Variants in THSD4 observed in about 807,000 individuals in gnomAD.
THSD4 encodes the protein thrombospondin type 1 domain containing 4, also known as thrombospondin type-1 domain-containing protein 4.
Under a neutral mutation model 119.0 loss-of-function variants are expected in THSD4, and 69 were observed. The observed-to-expected ratio is 0.58, with a 90% CI of 0.48 to 0.71. The LOEUF is 0.71. Ranked by LOEUF, THSD4 falls within the 30% of genes least tolerant of loss-of-function variation. THSD4 has a pLI of 0.00. For missense variants in THSD4, 1,393 were observed against 1,391.1 expected, an observed-to-expected ratio of 1.00 and a Z score of -0.02; for synonymous variants, 524 against 540.4, an observed-to-expected ratio of 0.97 and a Z score of 0.42.
chr15:71,501,737 A>C (rs1485815258), intron 7 of THSD4, among the ~76,000 whole-genome samples: 1 of 152,340 alleles, frequency 6.6e-6, no homozygotes, highest in South Asian at 2.1e-4. Context: ...GTTCCTTTTC[A>C]TCTGTGATCC....
Position 71,347,995 on chromosome 15 carries a change from T to G in THSD4, c.1016-63692T>G, listed in dbSNP as rs562216293. 8.7e-4 allele frequency among the ~76,000 whole-genome samples: 133 copies of G among 152,310 alleles called. 4 individuals carry two copies. In the South Asian group the frequency reaches 0.026, roughly 30 times the overall value. ...TTCCCAATACCCATGGGTCTATCCCTGTTGCCCCAGACCATCCATAATACA... is the reference window on the plus strand; with the variant it reads ...TTCCCAATACCCATGGGTCTATCCCGGTTGCCCCAGACCATCCATAATACA... On this transcript the variant is annotated intron_variant, in intron 6 of 17. Coordinates refer to ENST00000261862, the MANE Select transcript of THSD4 (RefSeq NM_024817.3).
intron 10 of THSD4, among the ~76,000 whole-genome samples, chr15:71,735,313 C>G (rs912528382): frequency 6.6e-6 from 1 of 152,176 alleles, no homozygotes; most frequent in Admixed American, 6.5e-5. Flanking sequence ...GCCAGGCCCC[C>G]TCTCCCGCTG....
At chr15:71,604,235 G>A (rs936818020) in intron 7 of THSD4, among the ~76,000 whole-genome samples, 4 of 152,196 alleles carry the variant, frequency 2.6e-5, no homozygotes, top group Non-Finnish European at 4.4e-5. Flanking sequence ...GACAGGTGCA[G>A]CCTTTTTCTT....
intron 8 of THSD4, among the ~76,000 whole-genome samples, chr15:71,723,855 CT>C (rs1439108483): frequency 6.6e-6 from 1 of 151,904 alleles, no homozygotes; most frequent in African/African-American, 2.4e-5. Flanking sequence ...ATCGCTTGAG[CT>C]TAAGAATTCA....
chr15:71,147,371 A>C (rs949159794), intron 2 of THSD4, among the ~76,000 whole-genome samples: 5 of 151,986 alleles, frequency 3.3e-5, no homozygotes, highest in Non-Finnish European at 7.4e-5. Context: ...GGCCCAGCTC[A>C]CTTTAAAAAA....
At chr15:71,528,905 A>C (rs543864071) in intron 7 of THSD4, among the ~76,000 whole-genome samples, 12 of 152,212 alleles carry the variant, frequency 7.9e-5, no homozygotes, top group Non-Finnish European at 1.6e-4. Context: ...TATAACTTAG[A>C]TAACAGCTAT....
chr15:71,228,551 A>G (rs980995234), intron 4 of THSD4, among the ~76,000 whole-genome samples: 2 of 152,250 alleles, frequency 1.3e-5, no homozygotes, highest in African/African-American at 4.8e-5. Context: ...GCTAAACCTC[A>G]TAGGACCCTT....
intron 8 of THSD4, among the ~76,000 whole-genome samples, chr15:71,718,687 A>G (rs903242972): frequency 6.6e-6 from 1 of 151,756 alleles, no homozygotes; most frequent in African/African-American, 2.4e-5. Context: ...GCGCCCCACA[A>G]CTTCCCTTCT....
intron 6 of THSD4, among the ~76,000 whole-genome samples, chr15:71,324,357 A>C (rs1000094625): frequency 7.2e-5 from 11 of 152,162 alleles, no homozygotes; most frequent in Non-Finnish European, 1.6e-4. Context: ...TTTTGGTTAC[A>C]CAGATGAATT....
chr15:71,645,375 G>C lies in THSD4; in HGVS notation c.1153-15155G>C, dbSNP rs1021258315. Among the ~76,000 whole-genome samples the C allele has an allele frequency of 2.0e-5, 3 of 152,248 alleles. No individual in the cohort carries two copies. In the South Asian group the frequency reaches 6.2e-4, roughly 32 times the overall value. On this transcript the variant is annotated intron_variant, in intron 7 of 17. Coordinates refer to ENST00000261862, the MANE Select transcript of THSD4 (RefSeq NM_024817.3). ...AGGAGAAGAATGAGAGCCGTGCAAA[G>C]AGGGAAGCCTCATATAAAGCCATCA... is the stretch of plus-strand genomic sequence containing the variant.
chr15:71,625,501 A>G (rs564037880), intron 7 of THSD4, among the ~76,000 whole-genome samples: 9 of 152,226 alleles, frequency 5.9e-5, no homozygotes, highest in Non-Finnish European at 1.3e-4. Context: ...CTCAAATAAA[A>G]GAGAAAAACA....
chr15:71,157,209 C>T (rs1233751821), intron 3 of THSD4, among the ~76,000 whole-genome samples: 1 of 152,010 alleles, frequency 6.6e-6, no homozygotes, highest in South Asian at 2.1e-4. Context: ...ATGATATGTG[C>T]GTAACCTGAA....
upstream of THSD4, chr15:71,111,369 G>A: frequency 6.2e-7 from 1 of 1,613,644 alleles, no homozygotes; most frequent in Non-Finnish European, 8.5e-7. Flanking sequence ...GTCAAGTAGA[G>A]AGTCAGCCCC....
At position 71,199,303 on chromosome 15, in the gene THSD4, C is replaced by A. The variant is rs149739031; in HGVS notation, c.100-15732C>A. Reference sequence around the variant, plus strand: ...ATGGCCATGCTCTGGGGACTAGATTCTTTTGCTTTTCTCTTCTCTGCACAA... The same window carrying A: ...ATGGCCATGCTCTGGGGACTAGATTATTTTGCTTTTCTCTTCTCTGCACAA... On this transcript the variant is annotated intron_variant, in intron 3 of 17. Coordinates refer to ENST00000261862, the MANE Select transcript of THSD4 (RefSeq NM_024817.3). Among the ~76,000 whole-genome samples the A allele has an allele frequency of 2.6e-4, 40 of 152,298 alleles. No individual in the cohort carries two copies. The East Asian group carries it at 6.8e-3, about 26-fold the overall frequency.
At chr15:71,663,672 C>G (rs1446394662) in intron 8 of THSD4, among the ~76,000 whole-genome samples, 2 of 152,176 alleles carry the variant, frequency 1.3e-5, no homozygotes. Flanking sequence ...TGCTTGAGAT[C>G]ATGTAGAAAC....
chr15:71,547,761 C>T (rs978509224), intron 7 of THSD4: 5 of 266,074 alleles, frequency 1.9e-5, no homozygotes, highest in Non-Finnish European at 2.8e-5. Context: ...AGCACGCACG[C>T]TTCTCCTGCT....
intron 7 of THSD4, among the ~76,000 whole-genome samples, chr15:71,464,396 G>T (rs1006756340): frequency 6.6e-6 from 1 of 152,054 alleles, no homozygotes; most frequent in African/African-American, 2.4e-5. Flanking sequence ...TTTAGAGAAG[G>T]TATACTCTTT....
At chr15:71,165,006 C>T (rs1448685900) in intron 3 of THSD4, 1 of 1,586,324 alleles carries the variant, frequency 6.3e-7, no homozygotes, top group South Asian at 1.1e-5. Context: ...TTGTCATCTG[C>T]AGCAGTGTTA....
At chr15:71,459,000 G>A (rs566631991) in intron 7 of THSD4, among the ~76,000 whole-genome samples, 1 of 152,138 alleles carries the variant, frequency 6.6e-6, no homozygotes, top group South Asian at 2.1e-4. Context: ...TTCTCTGCTT[G>A]ACTATGTTTT....
Sources: allele counts gnomAD v4.1 joint callset (sites outside exome capture counted in the v4.1 genomes callset), GRCh38; gene constraint gnomAD v4.1.1; transcripts MANE v1.5; gene names NCBI Gene and HGNC (gene_info 2026-07-23, HGNC 2026-07-21).